Variants in SIM1 observed in about 807,000 individuals in gnomAD.
SIM1 encodes single-minded homolog 1.
A neutral mutation model predicts 78.2 loss-of-function variants in SIM1; 18 were observed. The ratio of observed to expected loss-of-function variants is 0.23; its 90% CI spans 0.16 to 0.34. The LOEUF is 0.34. SIM1 is among the 10% of genes least tolerant of loss of function. SIM1 has a pLI of 1.00. For synonymous variants in SIM1, 417 were observed against 385.2 expected, an observed-to-expected ratio of 1.08 and a Z score of -0.97; for missense variants, 939 against 975.1, an observed-to-expected ratio of 0.96 and a Z score of 0.49.
intron 9 of SIM1, among the ~76,000 whole-genome samples, chr6:100,429,433 T>G (rs945105161): frequency 2.0e-5 from 3 of 151,744 alleles, no homozygotes; most frequent in Admixed American, 6.6e-5. Flanking sequence ...TCAGTTTAAT[T>G]ATAAATAATC....
At chr6:100,398,794 T>C (rs1024119641) in intron 10 of SIM1, among the ~76,000 whole-genome samples, 1 of 152,122 alleles carries the variant, frequency 6.6e-6, no homozygotes, top group African/African-American at 2.4e-5. Context: ...AGAAATGGGA[T>C]TGCTGCATCA....
intron 2 of SIM1, among the ~76,000 whole-genome samples, chr6:100,455,203 T>G (rs1772615252): frequency 6.6e-6 from 1 of 152,162 alleles, no homozygotes; most frequent in African/African-American, 2.4e-5. Flanking sequence ...ATCCGGTCTT[T>G]CTGGTTGTTT....
chr6:100,457,489 G>C (rs548871233), intron 2 of SIM1, among the ~76,000 whole-genome samples: 254 of 152,310 alleles, frequency 1.7e-3, no homozygotes, highest in Non-Finnish European at 3.2e-3. Flanking sequence ...GGCCCAGGGG[G>C]TAATCCTGAA....
In SIM1 at chr6:100,390,599, G is replaced by C; in HGVS notation, c.2063C>G (p.Ala688Gly). ...TGGAGAGACAGTAGGGTGGTCTCCT[G>C]CTGTCTGATGAGGAGATATATCCGA... is the stretch of plus-strand genomic sequence containing the variant. Reference protein sequence around the residue: ...LHSDISPHQTAGDHPTVSPNC... With the variant: ...LHSDISPHQTGGDHPTVSPNC... Residue 688 changes from alanine to glycine, a missense_variant, in exon 12 of 12, where the codon GCA becomes GGA. Coordinates refer to ENST00000369208, the MANE Select transcript of SIM1 (RefSeq NM_005068.3). The C allele has an allele frequency of 6.2e-7, 1 of 1,614,168 alleles. No homozygotes were observed. The highest frequency in any genetic ancestry group is 8.5e-7 in the Non-Finnish European group (1 of 1,180,008).
chr6:100,412,638 AAAG>A (rs1230529307), intron 10 of SIM1, among the ~76,000 whole-genome samples: 9 of 91,268 alleles, frequency 9.9e-5, no homozygotes, highest in African/African-American at 1.7e-4. Context: ...GAAAGAAAGA[AAAG>A]AAAGAAAGAA....
intron 9 of SIM1, among the ~76,000 whole-genome samples, chr6:100,434,469 A>G (rs1430613360): frequency 6.6e-6 from 1 of 152,226 alleles, no homozygotes; most frequent in Non-Finnish European, 1.5e-5. Flanking sequence ...TTTGGACACC[A>G]ATATCAATTA....
rs115200853 is a variant in SIM1, at chr6:100,428,050, T to C, written c.999-7092A>G. On this transcript the variant is annotated intron_variant, in intron 9 of 11. Transcript: ENST00000369208. The stretch of plus-strand genomic sequence containing the variant: ...TTTATATAAATGAGAAAGAGATACC[T>C]ACTAAGTAAGTGAGTTTATGTGAGA... Among the ~76,000 whole-genome samples, 810 of 152,368 alleles carry C rather than the reference T, an allele frequency of 5.3e-3. 7 individuals are homozygous for C. Among genetic ancestry groups the C allele is most frequent in the African/African-American group, 0.019 (787 of 41,596 alleles).
chr6:100,409,123 C>T (rs1017013675), intron 10 of SIM1, among the ~76,000 whole-genome samples: 1 of 151,822 alleles, frequency 6.6e-6, no homozygotes, highest in Non-Finnish European at 1.5e-5. Context: ...TTTTTACATA[C>T]TTTAAGTTTT....
intron 10 of SIM1, among the ~76,000 whole-genome samples, chr6:100,408,072 GC>G (rs1275680244): frequency 1.3e-5 from 2 of 152,128 alleles, no homozygotes; most frequent in South Asian, 2.1e-4. Context: ...ATGTCAAGGA[GC>G]TTTTTCCCTA....
intron 10 of SIM1, among the ~76,000 whole-genome samples, chr6:100,402,567 CTTTTTTTTT>C (rs869130841): frequency 2.1e-4 from 16 of 76,340 alleles, no homozygotes; most frequent in African/African-American, 4.6e-4. Context: ...TTTCTTTTCT[CTTTTTTTTT>C]TTTTTTTTTT....
chr6:100,422,801 A>G (rs1733831519), intron 9 of SIM1, among the ~76,000 whole-genome samples: 1 of 152,200 alleles, frequency 6.6e-6, no homozygotes, highest in African/African-American at 2.4e-5. Flanking sequence ...GTTGTACATC[A>G]CAGATATTCA....
At chr6:100,425,186 G>T (rs1398573311) in intron 9 of SIM1, among the ~76,000 whole-genome samples, 2 of 152,266 alleles carry the variant, frequency 1.3e-5, no homozygotes, top group African/African-American at 2.4e-5. Flanking sequence ...CATACAAGAA[G>T]TTCCTTTTAC....
At chr6:100,444,669 A>T (rs964155506) in intron 9 of SIM1, among the ~76,000 whole-genome samples, 2 of 152,148 alleles carry the variant, frequency 1.3e-5, no homozygotes, top group African/African-American at 4.8e-5. Flanking sequence ...CAGTTTTCCT[A>T]TATGCCCTGT....
At chr6:100,410,091 A>C (rs927406995) in intron 10 of SIM1, among the ~76,000 whole-genome samples, 1 of 152,226 alleles carries the variant, frequency 6.6e-6, no homozygotes, top group Non-Finnish European at 1.5e-5. Flanking sequence ...AAGAAGGAAG[A>C]ATTAAAGAAA....
At chr6:100,436,989 G>A (rs893487997) in intron 9 of SIM1, among the ~76,000 whole-genome samples, 5 of 152,024 alleles carry the variant, frequency 3.3e-5, no homozygotes, top group African/African-American at 1.2e-4. Flanking sequence ...ACCTACCTCA[G>A]CCTCTCAAAG....
rs1431195429 is a variant in SIM1 at position 100,388,140 on chromosome 6, T to A, written c.*2221A>T. The A allele has an allele frequency of 6.6e-6, 1 of 152,176 alleles. No homozygotes were observed. Among genetic ancestry groups the A allele is most frequent in the Non-Finnish European group, 1.5e-5 (1 of 68,012 alleles). The allele number at this position is 152,176 out of a possible 1,614,324, so 9.4% of individuals were successfully genotyped here. A position where few individuals can be genotyped will look rare whatever the true frequency, so the allele number is the denominator to read the frequency against. ...TAATTTTCTCAAAATTACTAAATAC[T>A]CTTTTTTGTATAATTCAAAACTTAG... On this transcript the variant is annotated 3_prime_UTR_variant, in exon 12 of 12. Transcript: ENST00000369208.
intron 3 of SIM1, among the ~76,000 whole-genome samples, chr6:100,451,627 C>G (rs1467721744): frequency 6.6e-6 from 1 of 151,996 alleles, no homozygotes; most frequent in Admixed American, 6.6e-5. Flanking sequence ...CAGAGATGGT[C>G]AAGCCTGAAA....
Position 100,393,475 on chromosome 6 carries a change from A to G in SIM1, c.1570+12T>C. On this transcript the variant is annotated intron_variant, in intron 11 of 11. Transcript: ENST00000369208. The stretch of plus-strand genomic sequence containing the variant: ...ATGCTTGGAGTTCGGGAACCCTTTC[A>G]CCTGCTCTTACCATGGATCCTGTGG... 6.6e-7 allele frequency: 1 copy of G among 1,512,562 alleles called. No homozygotes were observed. The highest frequency in any genetic ancestry group is 8.9e-7 in the Non-Finnish European group (1 of 1,128,692). 93.7% of individuals were successfully genotyped at this position (1,512,562 alleles called of 1,614,324 possible). A position where few individuals can be genotyped will look rare whatever the true frequency, so the allele number is the denominator to read the frequency against.
At chr6:100,415,138 T>G (rs1339896962) in intron 10 of SIM1, among the ~76,000 whole-genome samples, 1 of 152,262 alleles carries the variant, frequency 6.6e-6, no homozygotes, top group East Asian at 1.9e-4. Context: ...CTGTAATAAA[T>G]GTAACTACAA....
Sources: gnomAD v4.1 joint callset for allele counts (sites outside exome capture counted in the v4.1 genomes callset) on GRCh38, gnomAD v4.1.1 for gene constraint, MANE v1.5 for transcripts, NCBI Gene and HGNC (gene_info 2026-07-23, HGNC 2026-07-21) for gene names.